Variants in AOC2 observed in about 807,000 individuals in gnomAD.
AOC2 encodes the protein amine oxidase [copper-containing] 2.
A neutral mutation model predicts 53.8 loss-of-function variants in AOC2; 57 were observed. The observed-to-expected ratio is 1.06, with a 90% confidence interval of 0.86 to 1.32. AOC2 has a LOEUF of 1.32. Among genes scored for constraint, AOC2 ranks in the 40% most tolerant of loss-of-function variants. The probability of loss-of-function intolerance (pLI) is 0.00; values close to 1 mark genes in which losing one functional copy is unlikely to be tolerated. For missense variants in AOC2, 1,008 were observed against 957.2 expected (o/e 1.05, Z -0.70); for synonymous variants, 404 against 399.0 (o/e 1.01, Z -0.15).
In AOC2 at chr17:42,849,717, C is replaced by A; in HGVS notation, c.1991C>A (p.Thr664Asn). 2 of 1,614,210 alleles carry A rather than the reference C, an allele frequency of 1.2e-6. No individual in the cohort carries two copies. Among genetic ancestry groups the A allele is most frequent in the South Asian group, 1.1e-5 (1 of 91,090 alleles). The change falls in exon 3 of 4, where the codon ACC becomes AAC. Residue 664 changes from threonine to asparagine, a missense_variant. Coordinates refer to ENST00000253799, the MANE Select transcript of AOC2 (RefSeq NM_009590.4). ...VTFADFINNE[T>N]LLGEDLVAWV... Reference sequence around the variant, plus strand: ...TTTGCTGACTTCATCAACAATGAAACCCTCTTAGGAGAGGTTGGTTGCCCT... The same window carrying A: ...TTTGCTGACTTCATCAACAATGAAAACCTCTTAGGAGAGGTTGGTTGCCCT...
chr17:42,848,708 G>C (rs567026987), intron 1 of AOC2, among the ~76,000 whole-genome samples: 3 of 151,516 alleles, frequency 2.0e-5, no homozygotes, highest in African/African-American at 7.3e-5. Context: ...GTACCACCAT[G>C]CCTGGCTGAT....
Position 42,845,275 on chromosome 17 carries a change from C to G in AOC2, c.649C>G (p.Arg217Gly), listed in dbSNP as rs747140883. 1.2e-6 allele frequency: 2 copies of G among 1,614,018 alleles called. No individual in the cohort carries two copies. The highest frequency in any genetic ancestry group is 2.2e-5 in the East Asian group (1 of 44,888). Residue 217 changes from arginine to glycine, a missense_variant, in exon 1 of 4, where the codon CGA becomes GGA. Transcript: ENST00000253799. ...CCCTCGGGGCTTGCGCTCAGGGGACCGAGCTACCTGGATGGCCCTCTACCA... is the reference window on the plus strand; with the variant it reads ...CCCTCGGGGCTTGCGCTCAGGGGACGGAGCTACCTGGATGGCCCTCTACCA... ...ATPRGLRSGDRATWMALYHNI... is the reference protein window; with the variant it reads ...ATPRGLRSGDGATWMALYHNI...
rs961232942 is a variant in AOC2 at position 42,850,437 on chromosome 17, C to T, written c.*89C>T. ...TCTCCGTGTTTTTATCACACCTGCT[C>T]CCCAGATTCCCACCCCCTCAATGTT... On this transcript the variant is annotated 3_prime_UTR_variant, in exon 4 of 4. Coordinates refer to ENST00000253799, the MANE Select transcript of AOC2 (RefSeq NM_009590.4). The T allele has an allele frequency of 1.5e-5, 22 of 1,446,808 alleles. No homozygotes were observed. The highest frequency in any genetic ancestry group is 1.8e-5 in the Non-Finnish European group (20 of 1,087,952). The allele number at this position is 1,446,808 out of a possible 1,614,324, so 89.6% of individuals were successfully genotyped here.
chr17:42,845,335 G>A lies in AOC2; in HGVS notation c.709G>A (p.Val237Met), dbSNP rs577504737. 6.4e-5 allele frequency: 103 copies of A among 1,614,212 alleles called. No individual in the cohort carries two copies. The highest frequency in any genetic ancestry group is 8.1e-5 in the Non-Finnish European group (95 of 1,180,038). ...ISGVGLFLHP[V>M]GLELLLDHRA... ...AGGGGTTGGTCTTTTCCTTCACCCC[G>A]TGGGGCTGGAGCTACTACTGGACCA... The change falls in exon 1 of 4, where the codon GTG becomes ATG. Residue 237 changes from valine (V) to methionine (M), a missense_variant. Coordinates refer to ENST00000253799, the MANE Select transcript of AOC2 (RefSeq NM_009590.4).
At chr17:42,849,994 G>A (rs554457987) in intron 3 of AOC2, 88 bp from the exon 4 acceptor site, 2 of 1,534,288 alleles carry the variant, frequency 1.3e-6, no homozygotes, top group African/African-American at 2.7e-5. Context: ...GTGGAAGCCA[G>A]GCTGAGACTG....
rs747320474 is a variant in AOC2, at chr17:42,844,797, A to G, written c.171A>G (p.Ala57=). The change falls in exon 1 of 4, where the codon GCA becomes GCG. Residue 57 remains alanine (A), a synonymous_variant. Transcript: ENST00000253799. ...WPHPGQSQLF[A]DLSREELTAV... ...ACCCTGGCCAGAGCCAGCTGTTTGC[A>G]GACCTGAGCCGAGAGGAGTTGACAG... The G allele has an allele frequency of 5.0e-6, 8 of 1,613,988 alleles. No individual in the cohort carries two copies. Among genetic ancestry groups the G allele is most frequent in the Admixed American group, 1.7e-5 (1 of 60,000 alleles).
At chr17:42,847,912 C>T (rs1480338943) in intron 1 of AOC2, among the ~76,000 whole-genome samples, 1 of 151,830 alleles carries the variant, frequency 6.6e-6, no homozygotes, top group Non-Finnish European at 1.5e-5. Context: ...TCCAGAGTAG[C>T]ACACCACCAC....
chr17:42,849,641 CAG>C lies in AOC2; in HGVS notation c.1918_1919del (p.Ser640GlnfsTer2). On this transcript the variant is annotated frameshift_variant, in exon 3 of 4. Coordinates refer to ENST00000253799, the MANE Select transcript of AOC2 (RefSeq NM_009590.4). LOFTEE classifies it high-confidence loss of function. ...VVTQRKEEES[Q>X]SSSIYHQNDI... is the part of the protein sequence containing the mutation. ...GACCCAGAGAAAGGAGGAGGAGTCACAGAGCAGTAGCATCTATCACCAGAATG... is the reference window on the plus strand; with the variant it reads ...GACCCAGAGAAAGGAGGAGGAGTCACAGCAGTAGCATCTATCACCAGAATG... 6.2e-7 allele frequency: 1 copy of C among 1,614,226 alleles called. No individual in the cohort carries two copies. The highest frequency in any genetic ancestry group is 2.2e-5 in the East Asian group (1 of 44,884).
At position 42,845,794 on chromosome 17, in the gene AOC2, C is replaced by T. The variant is rs752720023; in HGVS notation, c.1168C>T (p.Arg390Ter). 33 of 1,614,048 alleles carry T rather than the reference C, an allele frequency of 2.0e-5. No individual in the cohort carries two copies. The highest frequency in any genetic ancestry group is 1.6e-4 in the South Asian group (15 of 91,084). The change falls in exon 1 of 4, where the codon CGA becomes TGA. Residue 390 changes from arginine (R) to a stop codon, truncating the protein, a stop_gained. Transcript: ENST00000253799. LOFTEE classifies it high-confidence loss of function. The stretch of plus-strand genomic sequence containing the variant: ...CAGCTTTGGACTCGGCCGTAACAGC[C>T]GAGGCTTGGTGCGGGGAGTGGACTG... ...DSSFGLGRNS[R>*]GLVRGVDCPY...
intron 1 of AOC2, 60 bp from the exon 2 acceptor site, chr17:42,849,026 G>A (rs1358078145): frequency 6.6e-7 from 1 of 1,514,596 alleles, no homozygotes; most frequent in Non-Finnish European, 8.9e-7. Flanking sequence ...GGGAAGACAG[G>A]GACCTGGCCC....
intron 3 of AOC2, 69 bp from the exon 4 acceptor site, chr17:42,850,013 G>A: frequency 2.6e-6 from 4 of 1,562,048 alleles, no homozygotes; most frequent in South Asian, 1.2e-5. Flanking sequence ...TGGAGGCTGG[G>A]ATTGTGACTG....
chr17:42,850,467 TCA>T lies in AOC2; in HGVS notation c.*123_*124del. The T allele has an allele frequency of 7.9e-7, 1 of 1,263,788 alleles. No individual in the cohort carries two copies. The highest frequency in any genetic ancestry group is 1.1e-6 in the Non-Finnish European group (1 of 932,470). The allele number at this position is 1,263,788 out of a possible 1,614,324, so 78.3% of individuals were successfully genotyped here. A position where few individuals can be genotyped will look rare whatever the true frequency, so the allele number is the denominator to read the frequency against. ...GATTCCCACCCCCTCAATGTTCCTC[TCA>T]CACGAAACCCCCATCAGTCCCTTTG... On this transcript the variant is annotated 3_prime_UTR_variant, in exon 4 of 4. Transcript: ENST00000253799.
chr17:42,845,744 C>A lies in AOC2; in HGVS notation c.1118C>A (p.Thr373Lys), dbSNP rs143214815. ...ATCTATGGTGCCGATTCACCCAAGACGATGCTGACTCGCTATTTGGATAGC... is the reference window on the plus strand; with the variant it reads ...ATCTATGGTGCCGATTCACCCAAGAAGATGCTGACTCGCTATTTGGATAGC... ...VSIYGADSPK[T>K]MLTRYLDSSF... The change falls in exon 1 of 4, where the codon ACG becomes AAG. Residue 373 changes from threonine (T) to lysine (K), a missense_variant. Physicochemically the swap from Thr to Lys is moderately conservative, Grantham distance 78. Transcript: ENST00000253799. 1.2e-6 allele frequency: 2 copies of A among 1,614,142 alleles called. No individual in the cohort carries two copies. Among genetic ancestry groups the A allele is most frequent in the South Asian group, 2.2e-5 (2 of 91,076 alleles).
intron 3 of AOC2, 148 bp downstream of exon 3, chr17:42,849,878 T>C: frequency 7.6e-7 from 1 of 1,307,446 alleles, no homozygotes; most frequent in Non-Finnish European, 1.1e-6. Flanking sequence ...ACACAGGTCA[T>C]CCCTCCTGGG....
intron 1 of AOC2, among the ~76,000 whole-genome samples, chr17:42,848,374 T>G (rs760514955): frequency 1.3e-5 from 2 of 151,602 alleles, no homozygotes; most frequent in Non-Finnish European, 1.5e-5. Flanking sequence ...AGAAGCAAAT[T>G]GGTCCAGGGA....
intron 1 of AOC2, among the ~76,000 whole-genome samples, chr17:42,848,065 C>CTTTTTTTTTTTTTTT (rs61450612): frequency 9.9e-6 from 1 of 101,374 alleles, no homozygotes; most frequent in African/African-American, 5.4e-5. Flanking sequence ...CATGCCCGGC[C>CTTTTTTTTTTTTTTT]TTTTTTTTTT....
Position 42,844,893 on chromosome 17 carries a change from C to T in AOC2, c.267C>T (p.Asp89=). 1 of 1,612,938 alleles carries T rather than the reference C, an allele frequency of 6.2e-7. No homozygotes were observed. The highest frequency in any genetic ancestry group is 8.5e-7 in the Non-Finnish European group (1 of 1,179,374). The change falls in exon 1 of 4, where the codon GAC becomes GAT. Residue 89 remains aspartate (D), a synonymous_variant. Transcript: ENST00000253799. ...LVDAAQAQPS[D]NCIFSVELQL... ...ACGCAGCCCAGGCTCAGCCCTCGGA[C>T]AACTGCATCTTCTCAGTGGAGCTGC... is the stretch of plus-strand genomic sequence containing the variant.
At chr17:42,849,516 C>T in intron 2 of AOC2, 85 bp from the exon 3 acceptor site, 1 of 1,604,502 alleles carries the variant, frequency 6.2e-7, no homozygotes, top group Non-Finnish European at 8.5e-7. Context: ...GAAATGGTCT[C>T]ACACAGAATC....
chr17:42,845,651 G>A lies in AOC2; in HGVS notation c.1025G>A (p.Arg342Lys), dbSNP rs1426124399. The A allele has an allele frequency of 3.7e-6, 6 of 1,614,238 alleles. No homozygotes were observed. Among genetic ancestry groups the A allele is most frequent in the Non-Finnish European group, 5.1e-6 (6 of 1,180,050 alleles). ...GGCCATGGGGTGTTCAGCGGCCTGAGGATTTTTGATGTTCGGTTCCAGGGT... is the reference window on the plus strand; with the variant it reads ...GGCCATGGGGTGTTCAGCGGCCTGAAGATTTTTGATGTTCGGTTCCAGGGT... Reference protein sequence around the residue: ...TFGHGVFSGLRIFDVRFQGER... With the variant: ...TFGHGVFSGLKIFDVRFQGER... The change falls in exon 1 of 4, where the codon AGG becomes AAG. Residue 342 changes from arginine (R) to lysine (K), a missense_variant. Physicochemically the swap from Arg to Lys is conservative, Grantham distance 26 (BLOSUM62 2). Transcript: ENST00000253799.
Sources: allele counts gnomAD v4.1 joint callset (sites outside exome capture counted in the v4.1 genomes callset), GRCh38; gene constraint gnomAD v4.1.1; transcripts MANE v1.5; gene names NCBI Gene and HGNC (gene_info 2026-07-23, HGNC 2026-07-21).